Variants in PCDHGB1 observed in about 807,000 individuals in gnomAD.
PCDHGB1 encodes the protein protocadherin gamma-B1.
PCDHGB1 carries 34 observed loss-of-function variants against 56.6 expected under a neutral mutation model. The ratio of observed to expected loss-of-function variants is 0.60; its 90% CI spans 0.46 to 0.80. PCDHGB1 has a LOEUF of 0.80. PCDHGB1 is among the 30% of genes least tolerant of loss of function. PCDHGB1 has a pLI of 0.00. For synonymous variants in PCDHGB1, 561 were observed against 505.9 expected (o/e 1.11, Z -1.46); for missense variants, 1,278 against 1,204.6 (o/e 1.06, Z -0.90).
chr5:141,420,188 A>G (rs775537913), intron 1 of PCDHGB1: 1 of 1,613,848 alleles, frequency 6.2e-7, no homozygotes, highest in South Asian at 1.1e-5. Context: ...TTGTCCAGCC[A>G]CACAAGATAA....
chr5:141,356,893 C>T, intron 1 of PCDHGB1: 1 of 1,614,200 alleles, frequency 6.2e-7, no homozygotes, highest in Non-Finnish European at 8.5e-7. Context: ...GATCCTGTAC[C>T]CCACCTTCCC....
chr5:141,399,817 G>T (rs369747431), intron 1 of PCDHGB1: 1 of 1,613,224 alleles, frequency 6.2e-7, no homozygotes, highest in South Asian at 1.1e-5. Flanking sequence ...CCCCGCGCTG[G>T]GTCCCGACGG....
chr5:141,441,905 C>G, intron 1 of PCDHGB1: 1 of 348,464 alleles, frequency 2.9e-6, no homozygotes, highest in Non-Finnish European at 5.5e-6. Flanking sequence ...GCTGTAGACG[C>G]AGATGTGAGA....
At position 141,491,518 on chromosome 5, in the gene PCDHGB1, A is replaced by G. The variant is rs756813813; in HGVS notation, c.2410-3289A>G. 3 of 1,613,990 alleles carry G rather than the reference A, an allele frequency of 1.9e-6. No individual in the cohort carries two copies. The highest frequency in any genetic ancestry group is 3.3e-5 in the Admixed American group (2 of 60,028). ...GAGCTCGGACGGCACGCTCAAGTAC[A>G]TGGAGGTGACGCTGCGGCCCACAGA... On this transcript the variant is annotated intron_variant, in intron 1 of 3. Transcript: ENST00000523390. This position sits in a 1 kb window ranked among gnomAD's most constrained non-coding sequence, Gnocchi z 6.9.
At chr5:141,421,238 G>A (rs920128735) in intron 1 of PCDHGB1, 1 of 1,597,540 alleles carries the variant, frequency 6.3e-7, no homozygotes, top group African/African-American at 1.3e-5. Context: ...ATGGCGAATC[G>A]GCTACAGCGC....
chr5:141,490,243 G>A lies in PCDHGB1; in HGVS notation c.2410-4564G>A, dbSNP rs1431165990. 1 of 1,614,238 alleles carries A rather than the reference G, an allele frequency of 6.2e-7. No individual in the cohort carries two copies. The highest frequency in any genetic ancestry group is 8.5e-7 in the Non-Finnish European group (1 of 1,180,038). The stretch of plus-strand genomic sequence containing the variant: ...ACAGCCTGCCATGGAGGGCCACTGT[G>A]TGATTCAAGTGGATGTGGGGGATGT... On this transcript the variant is annotated intron_variant, in intron 1 of 3. Coordinates refer to ENST00000523390, the MANE Select transcript of PCDHGB1 (RefSeq NM_018922.3). This position sits in a 1 kb window ranked among gnomAD's most constrained non-coding sequence, Gnocchi z 5.4.
intron 1 of PCDHGB1, among the ~76,000 whole-genome samples, chr5:141,401,424 T>G (rs1408860840): frequency 6.6e-6 from 1 of 152,170 alleles, no homozygotes; most frequent in Non-Finnish European, 1.5e-5. Flanking sequence ...AGAGACTGAT[T>G]CACTGAACTT....
At chr5:141,400,087 G>A (rs751908680) in intron 1 of PCDHGB1, 3 of 1,614,042 alleles carry the variant, frequency 1.9e-6, no homozygotes, top group Non-Finnish European at 2.5e-6. Flanking sequence ...CTCCGCCACC[G>A]CCACGCTGCA....
intron 1 of PCDHGB1, chr5:141,361,695 C>G (rs754328997): frequency 8.1e-6 from 13 of 1,613,468 alleles, no homozygotes; most frequent in Non-Finnish European, 1.0e-5. Flanking sequence ...AGCGCGCCTT[C>G]GATCATGAGC....
intron 1 of PCDHGB1, chr5:141,409,529 G>A: frequency 6.2e-7 from 1 of 1,613,962 alleles, no homozygotes; most frequent in Middle Eastern, 1.6e-4. Context: ...CTTGTATGTC[G>A]CTGACATCAA....
chr5:141,384,530 G>A, intron 1 of PCDHGB1: 6 of 1,614,238 alleles, frequency 3.7e-6, no homozygotes, highest in Non-Finnish European at 5.1e-6. Flanking sequence ...CCTCTCAGCA[G>A]CAACATGTCA....
intron 1 of PCDHGB1, chr5:141,399,606 G>A: frequency 1.2e-6 from 2 of 1,613,956 alleles, no homozygotes; most frequent in Non-Finnish European, 1.7e-6. Context: ...GCGACCTAGA[G>A]CCTCTGGCAC....
At chr5:141,383,870 G>A in intron 1 of PCDHGB1, 1 of 1,613,960 alleles carries the variant, frequency 6.2e-7, no homozygotes, top group Non-Finnish European at 8.5e-7. Context: ...GCTCAAGATG[G>A]TCCTGGTAGT....
rs761149166 is a variant in PCDHGB1 at position 141,510,977 on chromosome 5, G to C, written c.2588G>C (p.Gly863Ala). Residue 863 changes from glycine to alanine, a missense_variant, in exon 4 of 4, where the codon GGG (glycine) becomes GCG (alanine). Coordinates refer to ENST00000523390, the MANE Select transcript of PCDHGB1 (RefSeq NM_018922.3). Reference protein sequence around the residue: ...EAADGSSTLGGGAGTMGLSAR... With the variant: ...EAADGSSTLGAGAGTMGLSAR... ...GCTGATGGGAGCTCCACCCTGGGAG[G>C]GGGTGCCGGCACCATGGGATTGAGC... 9 of 1,614,052 alleles carry C rather than the reference G, an allele frequency of 5.6e-6. No individual in the cohort carries two copies. The Admixed American group carries it at 1.3e-4, about 24-fold the overall frequency.
chr5:141,497,003 A>C (rs928317358), intron 2 of PCDHGB1, among the ~76,000 whole-genome samples: 2 of 152,148 alleles, frequency 1.3e-5, no homozygotes, highest in African/African-American at 4.8e-5. Context: ...CTGGCAGCCA[A>C]CATGGTGAAA....
intron 1 of PCDHGB1, among the ~76,000 whole-genome samples, chr5:141,401,123 C>A (rs1289456548): frequency 1.3e-5 from 2 of 152,156 alleles, no homozygotes; most frequent in Non-Finnish European, 2.9e-5. Flanking sequence ...GCGGTTGGAT[C>A]ACATGGTCAG....
intron 1 of PCDHGB1, chr5:141,387,709 A>G: frequency 2.0e-6 from 2 of 1,008,632 alleles, no homozygotes; most frequent in Non-Finnish European, 2.9e-6. Context: ...GGGCAGCCCC[A>G]GCTCAGACTC....
At chr5:141,406,312 C>G (rs2094792276) in intron 1 of PCDHGB1, among the ~76,000 whole-genome samples, 1 of 152,028 alleles carries the variant, frequency 6.6e-6, no homozygotes, top group African/African-American at 2.4e-5. Context: ...CCACCTCACC[C>G]AGCAAATTCT....
rs1760455892 is a variant in PCDHGB1 at position 141,357,080 on chromosome 5, G to A, written c.2409+4411G>A. The A allele has an allele frequency of 3.1e-6, 5 of 1,613,806 alleles. No homozygotes were observed. In the African/African-American group the frequency reaches 4.0e-5, roughly 13 times the overall value. On this transcript the variant is annotated intron_variant, in intron 1 of 3. Transcript: ENST00000523390. ...GTGGGGCTGCACACAGGCGAGGTGC[G>A]CACCGCACGGGCCCTGCTGGACAGA...
Sources: allele counts gnomAD v4.1 joint callset (sites outside exome capture counted in the v4.1 genomes callset), GRCh38; gene constraint gnomAD v4.1.1; non-coding constraint Gnocchi (gnomAD v3.1); transcripts MANE v1.5; gene names NCBI Gene and HGNC (gene_info 2026-07-23, HGNC 2026-07-21).